Variants in PLEKHG4B observed in about 807,000 individuals in gnomAD.
PLEKHG4B encodes the protein pleckstrin homology and RhoGEF domain containing G4B.
A neutral mutation model predicts 121.3 loss-of-function variants in PLEKHG4B; 111 were observed. The observed-to-expected ratio is 0.92, with a 90% CI of 0.78 to 1.07. The LOEUF (loss-of-function observed/expected upper bound fraction) is 1.07. Ranked by LOEUF, PLEKHG4B falls within the 50% of genes least tolerant of loss-of-function variation. The probability of loss-of-function intolerance (pLI) is 0.00; values close to 1 mark genes in which losing one functional copy is unlikely to be tolerated. For synonymous variants in PLEKHG4B, 738 were observed against 725.0 expected (o/e 1.02, Z -0.29); for missense variants, 1,831 against 1,757.8 (o/e 1.04, Z -0.74).
Position 156,210 on chromosome 5 carries a change from G to A in PLEKHG4B, c.2348G>A (p.Arg783Gln), listed in dbSNP as rs199941115. 2.3e-5 allele frequency: 35 copies of A among 1,506,720 alleles called. No homozygotes were observed. The highest frequency in any genetic ancestry group is 1.8e-4 in the Middle Eastern group (1 of 5,606). 93.3% of individuals were successfully genotyped at this position (1,506,720 alleles called of 1,614,324 possible). The change falls in exon 10 of 20, where the codon CGG becomes CAG. Residue 783 changes from arginine (R) to glutamine (Q), a missense_variant and splice_region_variant. Physicochemically the swap from Arg to Gln is conservative, Grantham distance 43. Coordinates refer to ENST00000637938, the MANE Select transcript of PLEKHG4B (RefSeq NM_052909.5). This position sits in a 1 kb window ranked among gnomAD's most constrained non-coding sequence, Gnocchi z 4.4. ...RREELGTEDS[R>Q]DTLEAATSLY... ...GAAGAGCTTGGCACAGAAGACAGCC[G>A]GTGAGCGCTCACAGGGGTCATGCTG...
At chr5:178,050 C>A (rs73732947) in intron 18 of PLEKHG4B, among the ~76,000 whole-genome samples, 1 of 152,082 alleles carries the variant, frequency 6.6e-6, no homozygotes, top group Non-Finnish European at 1.5e-5. Context: ...GTTGGGGGAA[C>A]GTGAGGATGC....
In PLEKHG4B at chr5:113,843, C is replaced by T. The variant is rs985040751; in HGVS notation, c.243+395C>T. ...TGCAGCAGTAACAATGAAGGCCCAC[C>T]TGGAAGGGATAGTAGTGAGAACCTC... On this transcript the variant is annotated intron_variant, in intron 2 of 19. Coordinates refer to ENST00000637938, the MANE Select transcript of PLEKHG4B (RefSeq NM_052909.5). The surrounding 1 kb of genome is among the most constrained non-coding windows in gnomAD (Gnocchi z 5.2). Among the ~76,000 whole-genome samples the T allele has an allele frequency of 2.6e-5, 4 of 151,868 alleles. No homozygotes were observed. The highest frequency in any genetic ancestry group is 2.6e-4 in the Admixed American group (4 of 15,242).
chr5:112,357 G>A (rs975217523), intron 1 of PLEKHG4B, among the ~76,000 whole-genome samples: 3 of 152,174 alleles, frequency 2.0e-5, no homozygotes, highest in African/African-American at 4.8e-5. Flanking sequence ...ATTTCCTTAG[G>A]AAATTATCTG....
intron 2 of PLEKHG4B, among the ~76,000 whole-genome samples, chr5:136,640 T>G (rs1034553125): frequency 1.3e-5 from 2 of 152,206 alleles, no homozygotes; most frequent in Non-Finnish European, 2.9e-5. Flanking sequence ...TGTGATAGCT[T>G]TTAAAGGAAA....
rs1169083742 is a variant in PLEKHG4B at position 139,355 on chromosome 5, C to T, written c.244-128C>T. ...TGTTCCAAGGAACAGGACACCCCAG[C>T]CCCCGTGAGACCCCTTCCTTGTGGG... On this transcript the variant is annotated intron_variant, in intron 2 of 19. Transcript: ENST00000637938. The surrounding 1 kb of genome is among the most constrained non-coding windows in gnomAD (Gnocchi z 5.0). 7.5e-6 allele frequency: 3 copies of T among 398,138 alleles called. No homozygotes were observed. The highest frequency in any genetic ancestry group is 2.1e-5 in the African/African-American group (1 of 48,656). 24.7% of individuals were successfully genotyped at this position (398,138 alleles called of 1,614,324 possible).
chr5:167,062 C>T (rs1736377513), intron 13 of PLEKHG4B, among the ~76,000 whole-genome samples: 1 of 152,180 alleles, frequency 6.6e-6, no homozygotes, highest in African/African-American at 2.4e-5. Flanking sequence ...TCCTGCCGAC[C>T]CCCGTGTGAT....
intron 1 of PLEKHG4B, among the ~76,000 whole-genome samples, chr5:99,821 C>G (rs1413553337): frequency 6.6e-6 from 1 of 152,010 alleles, no homozygotes; most frequent in Non-Finnish European, 1.5e-5. Context: ...TTGGGGAAAA[C>G]TTTGAGTTTT....
At chr5:149,465 C>T (rs11743553) in intron 6 of PLEKHG4B, among the ~76,000 whole-genome samples, 27,833 of 151,936 alleles carry the variant, frequency 0.18, 3,475 homozygotes, top group African/African-American at 0.35. Context: ...CGCTTGAGCC[C>T]AGGAGGTCAA....
At chr5:170,713 T>C (rs1366453508) in intron 14 of PLEKHG4B, among the ~76,000 whole-genome samples, 3 of 152,142 alleles carry the variant, frequency 2.0e-5, no homozygotes, top group Non-Finnish European at 2.9e-5. Flanking sequence ...GACCAAATCA[T>C]TCCAATGCCC....
chr5:140,333 C>A lies in PLEKHG4B; in HGVS notation c.1094C>A (p.Pro365His), dbSNP rs778169333. Residue 365 changes from proline to histidine, a missense_variant, in exon 3 of 20, where the codon CCC becomes CAC. Pro to His is a moderately conservative substitution (Grantham distance 77). Coordinates refer to ENST00000637938, the MANE Select transcript of PLEKHG4B (RefSeq NM_052909.5). ...SYMEALRNPM[P>H]LGSSEEALGD... ...ATGGAAGCCTTGCGGAACCCCATGC[C>A]CCTGGGCAGCTCTGAGGAGGCCCTC... 9 of 1,540,808 alleles carry A rather than the reference C, an allele frequency of 5.8e-6. No homozygotes were observed. Among genetic ancestry groups the A allele is most frequent in the Non-Finnish European group, 7.0e-6 (8 of 1,144,246 alleles).
chr5:162,542 G>A (rs1393519990), intron 12 of PLEKHG4B, among the ~76,000 whole-genome samples, 180 bp from the exon 13 acceptor site: 3 of 152,244 alleles, frequency 2.0e-5, no homozygotes, highest in Admixed American at 2.0e-4. Context: ...GTCAGACACA[G>A]CCCACCTGCC....
intron 1 of PLEKHG4B, among the ~76,000 whole-genome samples, chr5:102,318 T>C (rs900528932): frequency 2.6e-5 from 4 of 152,208 alleles, no homozygotes; most frequent in African/African-American, 2.4e-5. Context: ...ATTAAGCTTT[T>C]TTTTTTAGGA....
intron 1 of PLEKHG4B, among the ~76,000 whole-genome samples, chr5:98,603 T>G (rs1309562799): frequency 9.0e-6 from 1 of 111,546 alleles, no homozygotes; most frequent in Non-Finnish European, 1.8e-5. Context: ...CCTGGCTAAT[T>G]TGTGTGTGTG....
In PLEKHG4B at chr5:150,171, T is replaced by A. The variant is rs541033707; in HGVS notation, c.1906-1342T>A. Among the ~76,000 whole-genome samples the A allele has an allele frequency of 3.3e-5, 5 of 152,348 alleles. No individual in the cohort carries two copies. In the South Asian group the frequency reaches 1.0e-3, roughly 32 times the overall value. On this transcript the variant is annotated intron_variant, in intron 6 of 19. Transcript: ENST00000637938. ...TGTGGCCTATCTTTACGATGGAATA[T>A]TATCCAGCCTTAAAAAGGAAGGAAA...
intron 1 of PLEKHG4B, among the ~76,000 whole-genome samples, chr5:95,427 G>A (rs1336953225): frequency 6.6e-6 from 1 of 152,020 alleles, no homozygotes; most frequent in Non-Finnish European, 1.5e-5. Flanking sequence ...AAGCCTCTCC[G>A]GCCCTGGGGA....
chr5:103,742 A>G (rs1173369729), intron 1 of PLEKHG4B, among the ~76,000 whole-genome samples: 1 of 152,214 alleles, frequency 6.6e-6, no homozygotes, highest in East Asian at 1.9e-4. Flanking sequence ...TCTTCTAGCT[A>G]TATACAGTAA....
chr5:155,531 G>C, intron 9 of PLEKHG4B, 88 bp downstream of exon 9: 2 of 997,370 alleles, frequency 2.0e-6, no homozygotes, highest in Admixed American at 3.6e-5. Flanking sequence ...ATAAATATTT[G>C]GTTCACTATC....
Position 151,519 on chromosome 5 carries a change from A to C in PLEKHG4B, c.1912A>C (p.Thr638Pro), listed in dbSNP as rs1273967749. ...SQALSGLQNN[T>P]SPIIHSILLL... ...TATTTCTTATTTATTTCAGAACAAC[A>C]CATCTCCTATAATTCATAGTATCTT... The change falls in exon 7 of 20, where the codon ACA becomes CCA. Residue 638 changes from threonine to proline, a missense_variant. By Grantham distance (38) the Thr-to-Pro change is conservative. Coordinates refer to ENST00000637938, the MANE Select transcript of PLEKHG4B (RefSeq NM_052909.5). 1 of 1,556,292 alleles carries C rather than the reference A, an allele frequency of 6.4e-7. No homozygotes were observed. Among genetic ancestry groups the C allele is most frequent in the African/African-American group, 1.4e-5 (1 of 73,358 alleles).
In PLEKHG4B at chr5:113,478, G is replaced by T. The variant is rs957528751; in HGVS notation, c.243+30G>T. ...GTACCTCCCTTGTAGCTCTGAGACCGTGGCCAACCTGGAGGAACCTGCCCT... is the reference window on the plus strand; with the variant it reads ...GTACCTCCCTTGTAGCTCTGAGACCTTGGCCAACCTGGAGGAACCTGCCCT... On this transcript the variant is annotated intron_variant, in intron 2 of 19. Transcript: ENST00000637938. The surrounding 1 kb of genome is among the most constrained non-coding windows in gnomAD (Gnocchi z 5.2). 2.5e-6 allele frequency: 1 copy of T among 398,894 alleles called. No individual in the cohort carries two copies. The highest frequency in any genetic ancestry group is 4.4e-6 in the Non-Finnish European group (1 of 226,090). 24.7% of individuals were successfully genotyped at this position (398,894 alleles called of 1,614,324 possible).
Sources: gnomAD v4.1 joint callset for allele counts (sites outside exome capture counted in the v4.1 genomes callset) on GRCh38, gnomAD v4.1.1 for gene constraint, Gnocchi (gnomAD v3.1) non-coding constraint, MANE v1.5 for transcripts, NCBI Gene and HGNC (gene_info 2026-07-23, HGNC 2026-07-21) for gene names.